RGS6: variants seen among roughly 807,000 people sequenced by gnomAD.
The protein encoded by RGS6 is regulator of G protein signaling 6.
RGS6 carries 30 observed loss-of-function variants against 78.5 expected under a neutral mutation model. That is an observed-to-expected ratio of 0.38 (90% CI 0.29 to 0.52). The LOEUF is 0.52. RGS6 is among the 20% of genes least tolerant of loss of function. RGS6 has a pLI of 0.85. For synonymous variants in RGS6, 206 were observed against 206.0 expected, an observed-to-expected ratio of 1.00 and a Z score of 0.00; for missense variants, 495 against 609.7, an observed-to-expected ratio of 0.81 and a Z score of 1.98.
intron 16 of RGS6, chr14:72,537,567 C>A: frequency 1.4e-6 from 1 of 702,378 alleles, no homozygotes; most frequent in Admixed American, 2.0e-5. Flanking sequence ...TGTCGATTCC[C>A]CTGCTGGAGG....
chr14:71,908,906 A>T, the RGS6 span, among the ~76,000 whole-genome samples: 1 of 152,194 alleles, frequency 6.6e-6, no homozygotes, highest in Non-Finnish European at 1.5e-5. Flanking sequence ...ACCACATTCT[A>T]AGCTGACCAT....
chr14:72,494,439 A>G (rs2096617598), intron 12 of RGS6, among the ~76,000 whole-genome samples: 1 of 152,188 alleles, frequency 6.6e-6, no homozygotes, highest in Non-Finnish European at 1.5e-5. Context: ...TAGAAAAAAC[A>G]TAAGGTGGAA....
intron 2 of RGS6, among the ~76,000 whole-genome samples, chr14:72,211,471 G>C (rs898021102): frequency 5.3e-5 from 8 of 152,172 alleles, no homozygotes; most frequent in Non-Finnish European, 1.0e-4. Context: ...CTTCAGATTA[G>C]CTGTAAAGAC....
the RGS6 span, chr14:72,619,806 C>A: frequency 8.7e-7 from 1 of 1,143,738 alleles, no homozygotes; most frequent in Non-Finnish European, 1.2e-6. Context: ...AACATGTAAA[C>A]CCATTAGCAT....
chr14:72,326,398 A>G (rs2073776093), intron 2 of RGS6, among the ~76,000 whole-genome samples: 2 of 152,186 alleles, frequency 1.3e-5, no homozygotes, highest in African/African-American at 2.4e-5. Context: ...AAATCACATG[A>G]TGAAATGTAA....
the RGS6 span, among the ~76,000 whole-genome samples, chr14:71,912,069 A>G: frequency 6.6e-6 from 1 of 152,194 alleles, no homozygotes; most frequent in Non-Finnish European, 1.5e-5. Flanking sequence ...CAGCCTCTGT[A>G]AACCTGCCAG....
intron 2 of RGS6, among the ~76,000 whole-genome samples, chr14:72,028,081 T>G (rs2090215708): frequency 6.6e-6 from 1 of 152,248 alleles, no homozygotes. Context: ...AAAGCCAACC[T>G]TGCAGTTTTG....
At chr14:72,540,318 A>G (rs2097307444) in intron 17 of RGS6, 1 of 1,474,456 alleles carries the variant, frequency 6.8e-7, no homozygotes, top group Admixed American at 2.7e-5. Flanking sequence ...CAGAAGGTGC[A>G]CCCTTGATCG....
chr14:71,898,808 T>G, the RGS6 span, among the ~76,000 whole-genome samples: 1 of 152,328 alleles, frequency 6.6e-6, no homozygotes, highest in Non-Finnish European at 1.5e-5. Flanking sequence ...GATGATGGTT[T>G]CCAGCTTCAC....
At chr14:72,045,109 A>G (rs372799163) in intron 2 of RGS6, among the ~76,000 whole-genome samples, 1 of 152,156 alleles carries the variant, frequency 6.6e-6, no homozygotes, top group African/African-American at 2.4e-5. Flanking sequence ...CCCAGCCTCC[A>G]TAATCAGATT....
At chr14:72,222,852 A>G (rs561309696) in intron 2 of RGS6, among the ~76,000 whole-genome samples, 1 of 152,338 alleles carries the variant, frequency 6.6e-6, no homozygotes, top group Non-Finnish European at 1.5e-5. Flanking sequence ...AATCACTTCA[A>G]TTGAACGGCC....
intron 2 of RGS6, among the ~76,000 whole-genome samples, chr14:72,289,184 A>G (rs1459915710): frequency 6.6e-6 from 1 of 151,998 alleles, no homozygotes. Flanking sequence ...TCATCTTTGT[A>G]TTTCCTTTAC....
At chr14:72,205,384 A>G (rs1306439028) in intron 2 of RGS6, among the ~76,000 whole-genome samples, 1 of 152,236 alleles carries the variant, frequency 6.6e-6, no homozygotes, top group Non-Finnish European at 1.5e-5. Flanking sequence ...GAGGGCTTGC[A>G]TATGACTATG....
rs1489499349 is a variant in RGS6 at position 72,412,151 on chromosome 14, C to T, written c.185-42377C>T. On this transcript the variant is annotated intron_variant, in intron 3 of 17. Transcript: ENST00000553525. ...GGTTTCAGAAGGAATGGTACCAGCTCCTCCTTGTACCTCTGGTAGAATTCG... is the reference window on the plus strand; with the variant it reads ...GGTTTCAGAAGGAATGGTACCAGCTTCTCCTTGTACCTCTGGTAGAATTCG... Among the ~76,000 whole-genome samples the T allele has an allele frequency of 2.6e-5, 4 of 152,180 alleles. No homozygotes were observed. In the East Asian group the frequency reaches 7.7e-4, roughly 29 times the overall value.
In RGS6 at chr14:71,962,672, G is replaced by A. The variant is rs187928109; in HGVS notation, c.-20-2100G>A. Among the ~76,000 whole-genome samples the A allele has an allele frequency of 3.4e-3, 522 of 152,262 alleles. 17 individuals are homozygous for A. The highest frequency in any genetic ancestry group is 0.031 in the Admixed American group (475 of 15,276). ...TACAGTGTATAGAGATAATATTATA[G>A]AATGATGCTCTTTACCTCTTTATGT... On this transcript the variant is annotated intron_variant, in intron 1 of 17. Coordinates refer to ENST00000553525, the MANE Select transcript of RGS6 (RefSeq NM_001204424.2).
intron 2 of RGS6, among the ~76,000 whole-genome samples, chr14:72,098,683 A>G (rs934193514): frequency 6.6e-6 from 1 of 152,190 alleles, no homozygotes; most frequent in African/African-American, 2.4e-5. Flanking sequence ...TTTTGGCAAA[A>G]TTGAGTCCCA....
intron 2 of RGS6, among the ~76,000 whole-genome samples, chr14:72,222,448 A>T (rs1252298239): frequency 6.6e-6 from 1 of 152,220 alleles, no homozygotes; most frequent in East Asian, 1.9e-4. Context: ...CTCCAGGAGT[A>T]CCAAAGATAC....
At chr14:72,566,995 A>G (rs7148932), downstream of RGS6, among the ~76,000 whole-genome samples, 3,643 of 152,276 alleles carry the variant, frequency 0.024, 147 homozygotes, top group African/African-American at 0.083. Context: ...ACTAACGCCA[A>G]AGCAGCTGGA....
chr14:72,537,194 G>A (rs910993019), intron 16 of RGS6, among the ~76,000 whole-genome samples: 1 of 152,132 alleles, frequency 6.6e-6, no homozygotes, highest in Non-Finnish European at 1.5e-5. Context: ...GGCACTTAGG[G>A]AGCACAGGCA....
Sources: gnomAD v4.1 joint callset for allele counts (sites outside exome capture counted in the v4.1 genomes callset) on GRCh38, gnomAD v4.1.1 for gene constraint, MANE v1.5 for transcripts, NCBI Gene and HGNC (gene_info 2026-07-23, HGNC 2026-07-21) for gene names.